The following DGKI variants were observed in gnomAD, a reference collection of about 807,000 sequenced individuals.
The protein encoded by DGKI is DAG kinase iota.
DGKI carries 55 observed loss-of-function variants against 147.5 expected under a neutral mutation model. The observed-to-expected ratio is 0.37, with a 90% CI of 0.30 to 0.47. The LOEUF is 0.47. Ranked by LOEUF, DGKI falls within the 20% of genes least tolerant of loss-of-function variation. The probability of loss-of-function intolerance (pLI) is 1.00; values close to 1 mark genes in which losing one functional copy is unlikely to be tolerated. For missense variants in DGKI, 1,007 were observed against 1,323.8 expected (o/e 0.76, Z 3.71); for synonymous variants, 469 against 477.1 (o/e 0.98, Z 0.22).
At chr7:137,822,813 G>T (rs1188650573) in intron 1 of DGKI, among the ~76,000 whole-genome samples, 4 of 151,308 alleles carry the variant, frequency 2.6e-5, no homozygotes, top group African/African-American at 9.7e-5. Context: ...AAAACAAAAA[G>T]GAACCTCAGA....
At chr7:137,739,522 T>G (rs983382121) in intron 1 of DGKI, among the ~76,000 whole-genome samples, 2 of 152,144 alleles carry the variant, frequency 1.3e-5, no homozygotes, top group African/African-American at 4.8e-5. Flanking sequence ...CGGCTTCCTA[T>G]GGGACCTCAT....
At chr7:137,494,673 T>C (rs1815893710) in intron 21 of DGKI, among the ~76,000 whole-genome samples, 1 of 151,018 alleles carries the variant, frequency 6.6e-6, no homozygotes, top group Admixed American at 6.6e-5. Flanking sequence ...CTGAAGGGAG[T>C]GCTAAATATG....
At chr7:137,601,150 A>G (rs555924042) in intron 10 of DGKI, among the ~76,000 whole-genome samples, 1 of 152,216 alleles carries the variant, frequency 6.6e-6, no homozygotes, top group Non-Finnish European at 1.5e-5. Flanking sequence ...GGGCACCTGT[A>G]GTCCCAGCTA....
chr7:137,734,473 C>T (rs979036792), intron 1 of DGKI, among the ~76,000 whole-genome samples: 3 of 151,940 alleles, frequency 2.0e-5, no homozygotes, highest in Admixed American at 1.3e-4. Flanking sequence ...CAGTTTCTGA[C>T]GTGTGTGCTC....
intron 1 of DGKI, among the ~76,000 whole-genome samples, chr7:137,819,589 C>T (rs559337624): frequency 9.2e-5 from 14 of 152,272 alleles, no homozygotes; most frequent in Non-Finnish European, 2.1e-4. Context: ...GGATTACAGG[C>T]GTGAGCCACC....
At chr7:137,737,391 T>C (rs1795054265) in intron 1 of DGKI, among the ~76,000 whole-genome samples, 2 of 151,910 alleles carry the variant, frequency 1.3e-5, no homozygotes. Context: ...ATTCATAATA[T>C]AAAGGCAAAT....
chr7:137,648,661 C>G (rs1034969294), intron 5 of DGKI, among the ~76,000 whole-genome samples: 5 of 152,162 alleles, frequency 3.3e-5, no homozygotes, highest in African/African-American at 1.2e-4. Flanking sequence ...CTACTCAGAA[C>G]AGCATGCAAT....
intron 1 of DGKI, among the ~76,000 whole-genome samples, chr7:137,773,435 A>G (rs1012572219): frequency 6.6e-6 from 1 of 152,190 alleles, no homozygotes. Flanking sequence ...TCTGATCCCC[A>G]GGAAAAGCTG....
At chr7:137,649,734 C>T (rs1479391987) in intron 5 of DGKI, among the ~76,000 whole-genome samples, 1 of 149,806 alleles carries the variant, frequency 6.7e-6, no homozygotes, top group African/African-American at 2.4e-5. Flanking sequence ...CCACCTGTTC[C>T]TCAAAAACCT....
At chr7:137,532,339 C>A (rs183247730) in intron 20 of DGKI, among the ~76,000 whole-genome samples, 2 of 152,034 alleles carry the variant, frequency 1.3e-5, no homozygotes, top group Non-Finnish European at 2.9e-5. Flanking sequence ...TGACAATAAG[C>A]GGCATTACAT....
chr7:137,396,940 A>T (rs1811576490), intron 31 of DGKI, among the ~76,000 whole-genome samples: 1 of 152,230 alleles, frequency 6.6e-6, no homozygotes, highest in South Asian at 2.1e-4. Context: ...GTGGTTCATA[A>T]CTTGTCCTGT....
At chr7:137,765,997 G>A (rs1397586977) in intron 1 of DGKI, among the ~76,000 whole-genome samples, 1 of 152,196 alleles carries the variant, frequency 6.6e-6, no homozygotes, top group Non-Finnish European at 1.5e-5. Context: ...AAAAGGCCAA[G>A]AGAAGCTACC....
chr7:137,523,564 C>T (rs1182504530), intron 20 of DGKI, among the ~76,000 whole-genome samples: 1 of 152,016 alleles, frequency 6.6e-6, no homozygotes, highest in Non-Finnish European at 1.5e-5. Context: ...CTGAGGTTCA[C>T]TGGCTTAAAA....
At chr7:137,769,468 T>A (rs547818697) in intron 1 of DGKI, among the ~76,000 whole-genome samples, 1 of 152,196 alleles carries the variant, frequency 6.6e-6, no homozygotes, top group African/African-American at 2.4e-5. Flanking sequence ...AAAGCCAAAA[T>A]TGACAAATGA....
chr7:137,513,373 T>C (rs1333905657), intron 21 of DGKI, among the ~76,000 whole-genome samples: 2 of 152,136 alleles, frequency 1.3e-5, no homozygotes, highest in African/African-American at 2.4e-5. Flanking sequence ...TCAAGTTCTC[T>C]CTCTAGTGAA....
chr7:137,755,691 T>C (rs1257832130), intron 1 of DGKI, among the ~76,000 whole-genome samples: 1 of 152,106 alleles, frequency 6.6e-6, no homozygotes, highest in Non-Finnish European at 1.5e-5. Flanking sequence ...GTGCAGGTCA[T>C]GGGAAGGGCA....
At chr7:137,604,785 C>CA (rs916848365) in intron 10 of DGKI, among the ~76,000 whole-genome samples, 1 of 152,042 alleles carries the variant, frequency 6.6e-6, no homozygotes, top group African/African-American at 2.4e-5. Flanking sequence ...GAGGGAGAGA[C>CA]AGTGTGAAAG....
In DGKI at chr7:137,633,509, T is replaced by C. The variant is rs146491777; in HGVS notation, c.805-9955A>G. ...TTAATTTTGAAAGCTCTGACGATGG[T>C]ATTGTGTTTACATTTCCAAAATTAT... On this transcript the variant is annotated intron_variant, in intron 6 of 32. Transcript: ENST00000614521. Among the ~76,000 whole-genome samples, 684 of 152,278 alleles carry C rather than the reference T, an allele frequency of 4.5e-3. 10 individuals carry two copies. Among genetic ancestry groups the C allele is most frequent in the African/African-American group, 0.015 (635 of 41,550 alleles).
intron 16 of DGKI, 55 bp from the exon 17 acceptor site, chr7:137,577,339 A>G: frequency 1.6e-6 from 2 of 1,239,730 alleles, no homozygotes; most frequent in Non-Finnish European, 2.3e-6. Flanking sequence ...GTGATACCAA[A>G]TCCTTGCTTC....
Sources: allele counts gnomAD v4.1 joint callset (sites outside exome capture counted in the v4.1 genomes callset), GRCh38; gene constraint gnomAD v4.1.1; transcripts MANE v1.5; gene names NCBI Gene and HGNC (gene_info 2026-07-23, HGNC 2026-07-21).